The following NARS1 variants were observed in gnomAD, a reference collection of about 807,000 sequenced individuals.
The protein encoded by NARS1 is asparagine--tRNA ligase, cytoplasmic.
In NARS1, 65 loss-of-function variants were observed where a neutral mutation model predicts 79.2. The ratio of observed to expected loss-of-function variants is 0.82; its 90% CI spans 0.67 to 1.01. The LOEUF (loss-of-function observed/expected upper bound fraction) is 1.01. Among genes scored for constraint, NARS1 ranks in the 50% least tolerant of loss-of-function variants. The probability of loss-of-function intolerance (pLI) is 0.00; values close to 1 mark genes in which losing one functional copy is unlikely to be tolerated. For synonymous variants in NARS1, 229 were observed against 238.8 expected, an observed-to-expected ratio of 0.96 and a Z score of 0.38; for missense variants, 649 against 673.8, an observed-to-expected ratio of 0.96 and a Z score of 0.41.
Position 57,615,640 on chromosome 18 carries a change from C to T in NARS1, c.342+1G>A, listed in dbSNP as rs778303778. The stretch of plus-strand genomic sequence containing the variant: ...GTATTTGAAAAGATAAACAAACTTA[C>T]ACATTTTGGCTCTGGGAGACTTGGA... On this transcript the variant is annotated splice_donor_variant, in intron 4 of 13. Coordinates refer to ENST00000256854, the MANE Select transcript of NARS1 (RefSeq NM_004539.4). LOFTEE classifies it high-confidence loss of function. 6.3e-7 allele frequency: 1 copy of T among 1,598,312 alleles called. No individual in the cohort carries two copies. The highest frequency in any genetic ancestry group is 8.6e-7 in the Non-Finnish European group (1 of 1,167,052).
At chr18:57,602,167 G>A (rs960179272) in intron 13 of NARS1, among the ~76,000 whole-genome samples, 188 bp downstream of exon 13, 1 of 152,070 alleles carries the variant, frequency 6.6e-6, no homozygotes, top group Non-Finnish European at 1.5e-5. Context: ...GTTTTCAAAT[G>A]AAATTAACAT....
Position 57,605,894 on chromosome 18 carries a change from A to G in NARS1, c.1214T>C (p.Val405Ala). The change falls in exon 11 of 14, where the codon GTA (valine) becomes GCA (alanine). Residue 405 changes from valine to alanine, a missense_variant. Transcript: ENST00000256854. ...DAIVWLKEHD[V>A]KKEDGTFYEF... ...ATAGAAAGTTCCATCTTCTTTCTTT[A>G]CATCATGTTCTTTTAGCCAAACGAT... is the stretch of plus-strand genomic sequence containing the variant. 6.2e-7 allele frequency: 1 copy of G among 1,612,596 alleles called. No individual in the cohort carries two copies. Among genetic ancestry groups the G allele is most frequent in the South Asian group, 1.1e-5 (1 of 90,848 alleles).
rs923375292 is a variant in NARS1 at position 57,600,981 on chromosome 18, A to C, written c.*671T>G. ...AAGAGGGATACTGTGAATCACTAAAAAACTCTCCCCAAAATTATGTTCTTA... is the reference window on the plus strand; with the variant it reads ...AAGAGGGATACTGTGAATCACTAAACAACTCTCCCCAAAATTATGTTCTTA... On this transcript the variant is annotated 3_prime_UTR_variant, in exon 14 of 14. Transcript: ENST00000256854. 6.6e-6 allele frequency: 1 copy of C among 152,222 alleles called. No individual in the cohort carries two copies. Among genetic ancestry groups the C allele is most frequent in the Non-Finnish European group, 1.5e-5 (1 of 68,040 alleles). The allele number at this position is 152,222 out of a possible 1,614,324, so 9.4% of individuals were successfully genotyped here. A position where few individuals can be genotyped will look rare whatever the true frequency, so the allele number is the denominator to read the frequency against.
At chr18:57,621,629 G>T (rs372736007) in intron 1 of NARS1, 79 bp downstream of exon 1, 2 of 1,186,362 alleles carry the variant, frequency 1.7e-6, no homozygotes, top group Admixed American at 3.8e-5. Flanking sequence ...TAGGCACTAA[G>T]GAAAGCGCCG....
At chr18:57,609,067 G>T (rs1273020679) in intron 7 of NARS1, among the ~76,000 whole-genome samples, 1 of 152,226 alleles carries the variant, frequency 6.6e-6, no homozygotes, top group East Asian at 1.9e-4. Context: ...TTTGGCCACA[G>T]ACTGAAGGCT....
intron 4 of NARS1, 96 bp downstream of exon 4, chr18:57,615,545 T>G: frequency 1.3e-6 from 1 of 795,660 alleles, no homozygotes; most frequent in Non-Finnish European, 2.0e-6. Flanking sequence ...AAAAACAAAA[T>G]GTAAAGGAAC....
At position 57,615,830 on chromosome 18, in the gene NARS1, C is replaced by T. The variant is rs200593402; in HGVS notation, c.239G>A (p.Arg80Gln). ...WHREQMKSES[R>Q]EKKEAEDSLR... ...GTCAGGACTCACCTCTTTCTTTTCC[C>T]GGGATTCACTCTTCATTTGTTCCCT... The change falls in exon 3 of 14, where the codon CGG (arginine) becomes CAG (glutamine). Residue 80 changes from arginine (R) to glutamine (Q), a missense_variant. By Grantham distance (43) the Arg-to-Gln change is conservative. Coordinates refer to ENST00000256854, the MANE Select transcript of NARS1 (RefSeq NM_004539.4). 317 of 1,611,632 alleles carry T rather than the reference C, an allele frequency of 2.0e-4. No homozygotes were observed. Among genetic ancestry groups the T allele is most frequent in the Non-Finnish European group, 2.6e-4 (308 of 1,179,258 alleles).
At chr18:57,615,999 A>G in intron 2 of NARS1, 24 bp from the exon 3 acceptor site, 1 of 1,567,876 alleles carries the variant, frequency 6.4e-7, no homozygotes, top group South Asian at 1.2e-5. Context: ...GAGAGAAAAG[A>G]CAGTTCTTGA....
At position 57,602,603 on chromosome 18, in the gene NARS1, A is replaced by G. The variant is rs778332422; in HGVS notation, c.1384-117T>C. 2.1e-4 allele frequency: 259 copies of G among 1,262,728 alleles called. 1 individual carries two copies. Among genetic ancestry groups the G allele is most frequent in the Non-Finnish European group, 2.7e-4 (248 of 910,328 alleles). 78.2% of individuals were successfully genotyped at this position (1,262,728 alleles called of 1,614,324 possible). A position where few individuals can be genotyped will look rare whatever the true frequency, so the allele number is the denominator to read the frequency against. The stretch of plus-strand genomic sequence containing the variant: ...TCCAAGGGCTAAAGGAGCCACTATG[A>G]TCATGTAATATTCAAATGTTTACAT... On this transcript the variant is annotated intron_variant, in intron 12 of 13. Coordinates refer to ENST00000256854, the MANE Select transcript of NARS1 (RefSeq NM_004539.4).
chr18:57,620,600 G>A lies in NARS1; in HGVS notation c.62C>T (p.Thr21Ile). The change falls in exon 2 of 14, where the codon ACC becomes ATC. Residue 21 changes from threonine to isoleucine, a missense_variant. Coordinates refer to ENST00000256854, the MANE Select transcript of NARS1 (RefSeq NM_004539.4). Reference sequence around the variant, plus strand: ...ACCTGTTTTAAATGGTTTCTCCTTGGTTCCATCTCCCGTGGCATCGCTTCC... The same window carrying A: ...ACCTGTTTTAAATGGTTTCTCCTTGATTCCATCTCCCGTGGCATCGCTTCC... ...REGSDATGDG[T>I]KEKPFKTGLK... 6.2e-7 allele frequency: 1 copy of A among 1,613,230 alleles called. No individual in the cohort carries two copies. The highest frequency in any genetic ancestry group is 8.5e-7 in the Non-Finnish European group (1 of 1,179,678).
chr18:57,620,679 G>C, intron 1 of NARS1, 28 bp from the exon 2 acceptor site: 1 of 1,455,494 alleles, frequency 6.9e-7, no homozygotes, highest in Non-Finnish European at 9.6e-7. Flanking sequence ...GGTAAGTTAT[G>C]GTCTGGCCAT....
At chr18:57,613,509 AG>A (rs1316064673) in intron 5 of NARS1, 92 bp downstream of exon 5, 7 of 1,123,970 alleles carry the variant, frequency 6.2e-6, no homozygotes, top group Non-Finnish European at 9.1e-6. Context: ...AAAGGGGGAG[AG>A]AAAAAAACCC....
At chr18:57,602,267 C>A (rs893804973) in intron 13 of NARS1, 88 bp downstream of exon 13, 9 of 1,251,916 alleles carry the variant, frequency 7.2e-6, no homozygotes, top group Middle Eastern at 2.3e-4. Context: ...CAAAGTACTA[C>A]CCTGAATTCT....
intron 6 of NARS1, among the ~76,000 whole-genome samples, chr18:57,610,965 CTTTT>C (rs773482503): frequency 3.2e-5 from 4 of 126,178 alleles, no homozygotes; most frequent in Non-Finnish European, 3.3e-5. Flanking sequence ...TGACTATTAT[CTTTT>C]TTTTTTTTTT....
Position 57,621,744 on chromosome 18 carries a change from A to G in NARS1, c.-27T>C. On this transcript the variant is annotated 5_prime_UTR_variant, in exon 1 of 14. Coordinates refer to ENST00000256854, the MANE Select transcript of NARS1 (RefSeq NM_004539.4). Reference sequence around the variant, plus strand: ...CCTGCAGTGGCCCTGGTCACCTCCAAGGACACAGACTGCAACACCGACGCC... The same window carrying G: ...CCTGCAGTGGCCCTGGTCACCTCCAGGGACACAGACTGCAACACCGACGCC... The G allele has an allele frequency of 6.2e-7, 1 of 1,613,960 alleles. No individual in the cohort carries two copies. Among genetic ancestry groups the G allele is most frequent in the South Asian group, 1.1e-5 (1 of 91,080 alleles).
At position 57,607,601 on chromosome 18, in the gene NARS1, C is replaced by A. The variant is rs2051570122; in HGVS notation, c.644G>T (p.Gly215Val). 5 of 1,614,000 alleles carry A rather than the reference C, an allele frequency of 3.1e-6. No individual in the cohort carries two copies. Among genetic ancestry groups the A allele is most frequent in the Admixed American group, 1.7e-5 (1 of 59,980 alleles). The change falls in exon 8 of 14, where the codon GGA becomes GTA. Residue 215 changes from glycine (G) to valine (V), a missense_variant. Physicochemically the swap from Gly to Val is moderately radical, Grantham distance 109 (BLOSUM62 -3). Transcript: ENST00000256854. Reference protein sequence around the residue: ...WELIGLAPAGGADNLINEESD... With the variant: ...WELIGLAPAGVADNLINEESD... ...CTCCTCATTGATCAGGTTGTCAGCT[C>A]CTCCAGCAGGGGCCAACCCAATTAG...
rs1414623522 is a variant in NARS1, at chr18:57,609,379, T to C, written c.557A>G (p.Asn186Ser). 2 of 1,613,990 alleles carry C rather than the reference T, an allele frequency of 1.2e-6. No homozygotes were observed. The highest frequency in any genetic ancestry group is 1.7e-6 in the Non-Finnish European group (2 of 1,179,942). The change falls in exon 7 of 14, where the codon AAT becomes AGT. Residue 186 changes from asparagine (N) to serine (S), a missense_variant. Physicochemically the swap from Asn to Ser is conservative, Grantham distance 46. Coordinates refer to ENST00000256854, the MANE Select transcript of NARS1 (RefSeq NM_004539.4). ...CACCTGCTTGCCCTTTGGGGTAAGA[T>C]TTAGCATTCCATACACTGCAACACT... ...ESSVAVYGML[N>S]LTPKGKQAPG...
intron 9 of NARS1, 22 bp downstream of exon 9, chr18:57,607,112 A>C (rs753211462): frequency 2.4e-5 from 38 of 1,584,204 alleles, no homozygotes; most frequent in Non-Finnish European, 3.3e-5. Context: ...GAAAGAAATA[A>C]AACAAAAAGA....
chr18:57,613,173 G>C (rs1461651237), intron 5 of NARS1, among the ~76,000 whole-genome samples: 1 of 151,274 alleles, frequency 6.6e-6, no homozygotes, highest in Non-Finnish European at 1.5e-5. Flanking sequence ...ATGGCTGGGG[G>C]GAGTTCAAGT....
Sources: allele counts gnomAD v4.1 joint callset (sites outside exome capture counted in the v4.1 genomes callset), GRCh38; gene constraint gnomAD v4.1.1; transcripts MANE v1.5; gene names NCBI Gene and HGNC (gene_info 2026-07-23, HGNC 2026-07-21).